ASTN1: variants seen among roughly 807,000 people sequenced by gnomAD.
ASTN1 encodes astrotactin 1.
A neutral mutation model predicts 140.7 loss-of-function variants in ASTN1; 41 were observed. The observed-to-expected ratio is 0.29, with a 90% CI of 0.23 to 0.38. ASTN1 has a LOEUF of 0.38. Ranked by LOEUF, ASTN1 falls within the 10% of genes least tolerant of loss-of-function variation. The pLI is 1.00. For synonymous variants in ASTN1, 640 were observed against 652.2 expected (o/e 0.98, Z 0.29); for missense variants, 1,479 against 1,678.8 (o/e 0.88, Z 2.08).
chr1:177,087,353 T>G (rs190542016), intron 1 of ASTN1, among the ~76,000 whole-genome samples: 1 of 152,268 alleles, frequency 6.6e-6, no homozygotes, highest in East Asian at 1.9e-4. Context: ...CTTGCCTAAA[T>G]GTGGAAATCG....
chr1:177,161,361 C>T (rs1003717575), intron 1 of ASTN1, among the ~76,000 whole-genome samples: 2 of 152,228 alleles, frequency 1.3e-5, no homozygotes, highest in African/African-American at 2.4e-5. Context: ...CTTTGCTCAT[C>T]TTTTCTCCAT....
chr1:176,901,797 CT>C (rs11308309), intron 16 of ASTN1, among the ~76,000 whole-genome samples: 5,564 of 152,246 alleles, frequency 0.037, 305 homozygotes, highest in African/African-American at 0.13. Flanking sequence ...AATGGAAAAA[CT>C]AGTGGTTCAC....
chr1:177,150,395 T>C (rs962655227), intron 1 of ASTN1, among the ~76,000 whole-genome samples: 3 of 152,022 alleles, frequency 2.0e-5, no homozygotes, highest in Non-Finnish European at 2.9e-5. Flanking sequence ...GCATGTAAAT[T>C]TGGGAAATTG....
At chr1:177,149,974 C>A (rs906054343) in intron 1 of ASTN1, among the ~76,000 whole-genome samples, 4 of 150,950 alleles carry the variant, frequency 2.6e-5, no homozygotes, top group African/African-American at 7.3e-5. Context: ...TGTTTTATTT[C>A]TCATTGTCTT....
chr1:176,914,997 CAA>C (rs1001134204), intron 16 of ASTN1, among the ~76,000 whole-genome samples: 3 of 151,962 alleles, frequency 2.0e-5, no homozygotes, highest in Admixed American at 6.6e-5. Flanking sequence ...CACAAATAGA[CAA>C]AAAAATTTTC....
At chr1:177,101,384 C>A (rs1003989445) in intron 1 of ASTN1, among the ~76,000 whole-genome samples, 2 of 152,172 alleles carry the variant, frequency 1.3e-5, no homozygotes, top group Non-Finnish European at 2.9e-5. Context: ...AATGAACAAC[C>A]TACAGCTACT....
At position 177,164,420 on chromosome 1, in the gene ASTN1, T is replaced by C; in HGVS notation, c.257A>G (p.Asn86Ser). The change falls in exon 1 of 23, where the codon AAC (asparagine) becomes AGC (serine). Residue 86 changes from asparagine to serine, a missense_variant. Asn to Ser is a conservative substitution (Grantham distance 46, BLOSUM62 1). Coordinates refer to ENST00000361833, the MANE Select transcript of ASTN1 (RefSeq NM_004319.3). ...GEMVVVDDLE[N>S]TELPYFVLEI... ...CAGCACGAAGTAGGGCAGCTCCGTG[T>C]TCTCCAGGTCGTCCACCACGACCAT... 1.9e-6 allele frequency: 3 copies of C among 1,611,066 alleles called. No homozygotes were observed. The highest frequency in any genetic ancestry group is 2.5e-6 in the Non-Finnish European group (3 of 1,178,308).
intron 16 of ASTN1, among the ~76,000 whole-genome samples, chr1:176,919,395 T>A (rs1374942336): frequency 1.3e-5 from 2 of 152,156 alleles, no homozygotes; most frequent in African/African-American, 4.8e-5. Flanking sequence ...TCAATACAGA[T>A]CCCAACATAT....
chr1:177,149,148 C>T (rs60593250), intron 1 of ASTN1, among the ~76,000 whole-genome samples: 9,903 of 91,886 alleles, frequency 0.11, 2,213 homozygotes, highest in African/African-American at 0.46. Flanking sequence ...ATATATAGTG[C>T]ATATATATAG....
At chr1:177,079,793 A>C (rs1471792149) in intron 1 of ASTN1, among the ~76,000 whole-genome samples, 3 of 152,176 alleles carry the variant, frequency 2.0e-5, no homozygotes, top group Non-Finnish European at 4.4e-5. Context: ...ACAAAAGCTC[A>C]GAGAGTTAAG....
At chr1:176,878,463 T>G (rs943949270) in intron 20 of ASTN1, among the ~76,000 whole-genome samples, 9 of 152,054 alleles carry the variant, frequency 5.9e-5, no homozygotes, top group Admixed American at 2.6e-4. Context: ...AGCTTCTCGG[T>G]GGCAATGCTA....
At chr1:176,922,533 A>C (rs1304145290) in intron 16 of ASTN1, among the ~76,000 whole-genome samples, 1 of 136,208 alleles carries the variant, frequency 7.3e-6, no homozygotes, top group Non-Finnish European at 1.5e-5. Context: ...ACATTCTTAC[A>C]GTGTCCACTC....
chr1:177,150,108 T>G (rs1333471256), intron 1 of ASTN1, among the ~76,000 whole-genome samples: 62 of 152,000 alleles, frequency 4.1e-4, no homozygotes, highest in Non-Finnish European at 3.1e-4. Flanking sequence ...ATGTATGAAA[T>G]TGGAGATAAT....
At chr1:177,019,934 G>A (rs1367832023) in intron 7 of ASTN1, among the ~76,000 whole-genome samples, 4 of 152,060 alleles carry the variant, frequency 2.6e-5, no homozygotes, top group African/African-American at 7.2e-5. Flanking sequence ...ACTGTGGCTG[G>A]AGTGCAATGG....
intron 16 of ASTN1, among the ~76,000 whole-genome samples, chr1:176,926,018 A>G (rs1267524127): frequency 1.3e-5 from 2 of 152,068 alleles, no homozygotes; most frequent in Non-Finnish European, 2.9e-5. Context: ...CGTGTTAGCC[A>G]GGATGGTCTC....
At chr1:177,055,027 C>A (rs1159167880) in intron 2 of ASTN1, among the ~76,000 whole-genome samples, 1 of 152,178 alleles carries the variant, frequency 6.6e-6, no homozygotes, top group East Asian at 1.9e-4. Context: ...ATATAAATTT[C>A]TGCAGTACAA....
intron 20 of ASTN1, among the ~76,000 whole-genome samples, chr1:176,879,344 G>A (rs1413830087): frequency 6.6e-6 from 1 of 152,146 alleles, no homozygotes; most frequent in African/African-American, 2.4e-5. Flanking sequence ...ACTCAGGTCA[G>A]GGCTGCAGTC....
intron 1 of ASTN1, among the ~76,000 whole-genome samples, chr1:177,108,612 A>C (rs900094172): frequency 6.6e-6 from 1 of 152,102 alleles, no homozygotes; most frequent in Admixed American, 6.6e-5. Context: ...TTCTTTATCC[A>C]TTCATCTGAC....
chr1:177,149,017 G>A (rs1682848277), intron 1 of ASTN1, among the ~76,000 whole-genome samples: 1 of 136,202 alleles, frequency 7.3e-6, no homozygotes, highest in Admixed American at 7.8e-5. Flanking sequence ...TAGAAGAGAG[G>A]AAGGAGATAT....
Sources: allele counts gnomAD v4.1 joint callset (sites outside exome capture counted in the v4.1 genomes callset), GRCh38; gene constraint gnomAD v4.1.1; transcripts MANE v1.5; gene names NCBI Gene and HGNC (gene_info 2026-07-23, HGNC 2026-07-21).